Variants in OCA2 observed in about 807,000 individuals in gnomAD.
OCA2 encodes the protein P protein.
Under a neutral mutation model 100.2 loss-of-function variants are expected in OCA2, and 77 were observed. The ratio of observed to expected loss-of-function variants is 0.77; its 90% CI spans 0.64 to 0.93. The LOEUF (loss-of-function observed/expected upper bound fraction) is 0.93. OCA2 is among the 40% of genes least tolerant of loss of function. The pLI, the probability that OCA2 is intolerant of heterozygous loss-of-function variation, is 0.00. For synonymous variants in OCA2, 432 were observed against 439.2 expected, an observed-to-expected ratio of 0.98 and a Z score of 0.21; for missense variants, 1,062 against 1,089.1, an observed-to-expected ratio of 0.98 and a Z score of 0.35.
At chr15:27,998,356 AAAAC>A (rs1462097011) in intron 9 of OCA2, among the ~76,000 whole-genome samples, 33 of 93,554 alleles carry the variant, frequency 3.5e-4, no homozygotes, top group African/African-American at 8.5e-4. Context: ...TTACAAGAAA[AAAAC>A]AAACAACCCC....
chr15:27,954,159 A>ACACACACC (rs147024497), intron 17 of OCA2, among the ~76,000 whole-genome samples: 1,266 of 55,036 alleles, frequency 0.023, 26 homozygotes, highest in African/African-American at 0.042. Context: ...ACACACACAC[A>ACACACACC]CCTAGGGTCA....
intron 21 of OCA2, among the ~76,000 whole-genome samples, chr15:27,858,575 A>G (rs964191503): frequency 3.9e-5 from 6 of 152,162 alleles, no homozygotes; most frequent in African/African-American, 1.4e-4. Flanking sequence ...CAGACAAAAT[A>G]GAATTTAAAT....
rs141159640 is a variant in OCA2 at position 27,955,215 on chromosome 15, T to A, written c.1785A>T (p.Arg595Ser). The A allele has an allele frequency of 3.1e-6, 5 of 1,608,528 alleles. No homozygotes were observed. In the African/African-American group the frequency reaches 5.3e-5, roughly 17 times the overall value. ...LLARRLHTFHRQISQEDKNWE... is the reference protein window; with the variant it reads ...LLARRLHTFHSQISQEDKNWE... ...AATTTTTGTCCTCCTGTGAGATCTG[T>A]CTAAAAGAGAAAAGAAGAGACTCAT... The change falls in exon 17 of 24, where the codon AGA (arginine) becomes AGT (serine). Residue 595 changes from arginine to serine, a missense_variant and splice_region_variant. Physicochemically the swap from Arg to Ser is moderately radical, Grantham distance 110. Transcript: ENST00000354638.
intron 23 of OCA2, among the ~76,000 whole-genome samples, chr15:27,841,803 G>A: frequency 6.6e-6 from 1 of 152,186 alleles, no homozygotes; most frequent in East Asian, 1.9e-4. Context: ...TACAGAAAGA[G>A]TATAATCTCA....
At chr15:27,968,075 A>C (rs1352474205) in intron 14 of OCA2, among the ~76,000 whole-genome samples, 1 of 152,150 alleles carries the variant, frequency 6.6e-6, no homozygotes, top group Non-Finnish European at 1.5e-5. Flanking sequence ...GGAATAAGTC[A>C]GCAGCGTCAT....
At chr15:27,951,591 C>G (rs936698378) in intron 18 of OCA2, among the ~76,000 whole-genome samples, 193 bp downstream of exon 18, 1 of 152,202 alleles carries the variant, frequency 6.6e-6, no homozygotes, top group Admixed American at 6.5e-5. Context: ...CTCTCTCCCT[C>G]CCTCCTGCCC....
chr15:28,007,022 G>A (rs956019288), intron 9 of OCA2, among the ~76,000 whole-genome samples: 6 of 152,036 alleles, frequency 3.9e-5, no homozygotes, highest in African/African-American at 9.7e-5. Context: ...AACACTACAC[G>A]AACTCCTAAA....
intron 1 of OCA2, among the ~76,000 whole-genome samples, chr15:28,087,172 G>C (rs2044789934): frequency 6.6e-6 from 1 of 151,992 alleles, no homozygotes; most frequent in South Asian, 2.1e-4. Context: ...CAAAGAAAAA[G>C]TCTTAAAGAG....
chr15:27,784,893 CAGAGAGAG>C (rs55682306), intron 23 of OCA2, among the ~76,000 whole-genome samples: 4 of 148,518 alleles, frequency 2.7e-5, no homozygotes, highest in African/African-American at 4.9e-5. Flanking sequence ...AAGAGAGAGA[CAGAGAGAG>C]AGAGAGAGAG....
intron 3 of OCA2, among the ~76,000 whole-genome samples, chr15:28,031,458 G>T (rs1182783907): frequency 2.0e-5 from 3 of 152,224 alleles, no homozygotes; most frequent in Non-Finnish European, 4.4e-5. Flanking sequence ...CCTGGCCCAA[G>T]GCCCTTCATC....
chr15:28,013,644 C>T (rs932535541), intron 9 of OCA2, among the ~76,000 whole-genome samples: 2 of 152,178 alleles, frequency 1.3e-5, no homozygotes, highest in East Asian at 3.9e-4. Flanking sequence ...GAGGGAGGGG[C>T]GTGCTCTGTG....
At chr15:27,721,296 A>G in the OCA2 span, among the ~76,000 whole-genome samples, 1 of 152,266 alleles carries the variant, frequency 6.6e-6, no homozygotes, top group East Asian at 1.9e-4. Flanking sequence ...CGAGCCCAGG[A>G]GGCAGAGGTT....
At chr15:27,760,341 ATGTT>A (rs771198623) in intron 23 of OCA2, among the ~76,000 whole-genome samples, 5 of 151,940 alleles carry the variant, frequency 3.3e-5, no homozygotes, top group African/African-American at 4.8e-5. Flanking sequence ...ATAGCACTAA[ATGTT>A]TGTATTAGAA....
chr15:27,988,899 T>C (rs932348807), intron 11 of OCA2, among the ~76,000 whole-genome samples: 5 of 152,172 alleles, frequency 3.3e-5, no homozygotes, highest in Admixed American at 2.6e-4. Context: ...CCCTCCGTTA[T>C]GTCAGCCAGC....
chr15:27,828,402 A>G (rs1350278928), intron 23 of OCA2, among the ~76,000 whole-genome samples: 1 of 152,132 alleles, frequency 6.6e-6, no homozygotes, highest in Non-Finnish European at 1.5e-5. Context: ...GGGGCTCCTC[A>G]TGGGTCCTCA....
intron 2 of OCA2, among the ~76,000 whole-genome samples, chr15:28,081,320 T>C (rs566393858): frequency 1.3e-5 from 2 of 152,010 alleles, no homozygotes; most frequent in East Asian, 1.9e-4. Flanking sequence ...TCACTTGCTA[T>C]ATGTATAGAA....
At chr15:27,762,622 C>T (rs2030933338) in intron 23 of OCA2, among the ~76,000 whole-genome samples, 1 of 152,186 alleles carries the variant, frequency 6.6e-6, no homozygotes, top group Non-Finnish European at 1.5e-5. Context: ...GAACACTCCA[C>T]CCTGCACATT....
intron 18 of OCA2, among the ~76,000 whole-genome samples, chr15:27,931,921 C>T (rs2039266317): frequency 6.6e-6 from 1 of 152,152 alleles, no homozygotes; most frequent in Non-Finnish European, 1.5e-5. Context: ...CACTGAATGT[C>T]CCCTAAATCC....
chr15:27,787,518 T>C (rs1332536251), intron 23 of OCA2, among the ~76,000 whole-genome samples: 1 of 152,064 alleles, frequency 6.6e-6, no homozygotes, highest in African/African-American at 2.4e-5. Context: ...CTAAGTTGTC[T>C]TATTTGTTAG....
Sources: gnomAD v4.1 joint callset for allele counts (sites outside exome capture counted in the v4.1 genomes callset) on GRCh38, gnomAD v4.1.1 for gene constraint, MANE v1.5 for transcripts, NCBI Gene and HGNC (gene_info 2026-07-23, HGNC 2026-07-21) for gene names.